MYO5B: variants seen among roughly 807,000 people sequenced by gnomAD.
MYO5B encodes the protein unconventional myosin-Vb.
In MYO5B, 143 loss-of-function variants were observed where a neutral mutation model predicts 229.3. The ratio of observed to expected loss-of-function variants is 0.62; its 90% CI spans 0.54 to 0.72. The LOEUF is 0.72. MYO5B is among the 30% of genes least tolerant of loss of function. The pLI, the probability that MYO5B is intolerant of heterozygous loss-of-function variation, is 0.00. For missense variants in MYO5B, 2,321 were observed against 2,331.0 expected (o/e 1.00, Z 0.09); for synonymous variants, 918 against 885.2 (o/e 1.04, Z -0.66).
chr18:49,864,098 G>A, intron 28 of MYO5B, 43 bp downstream of exon 28: 1 of 1,600,290 alleles, frequency 6.2e-7, no homozygotes, highest in Non-Finnish European at 8.5e-7. Flanking sequence ...TACCACCTAG[G>A]GTCACCCCTC....
At chr18:50,073,706 T>C (rs1404522543) in intron 1 of MYO5B, among the ~76,000 whole-genome samples, 4 of 152,134 alleles carry the variant, frequency 2.6e-5, no homozygotes, top group African/African-American at 9.7e-5. Context: ...TTGAAAGTTT[T>C]AAAAGCCAAA....
chr18:50,122,994 G>A (rs909413286), intron 1 of MYO5B, among the ~76,000 whole-genome samples: 14 of 152,198 alleles, frequency 9.2e-5, no homozygotes, highest in African/African-American at 2.9e-4. Context: ...ACTGAAAATA[G>A]GTACTGAAAT....
chr18:50,172,744 G>C (rs897765049), intron 1 of MYO5B, among the ~76,000 whole-genome samples: 6 of 152,194 alleles, frequency 3.9e-5, no homozygotes, highest in African/African-American at 1.4e-4. Context: ...TCAGGATCCA[G>C]GTGAGGAAGA....
intron 14 of MYO5B, among the ~76,000 whole-genome samples, chr18:49,940,408 G>A (rs988475143): frequency 1.4e-4 from 22 of 152,198 alleles, no homozygotes; most frequent in Middle Eastern, 6.8e-3. Context: ...AGGTGACTTC[G>A]CACACTCAAA....
At chr18:50,156,444 T>C (rs2032680465) in intron 1 of MYO5B, among the ~76,000 whole-genome samples, 4 of 152,258 alleles carry the variant, frequency 2.6e-5, no homozygotes, top group Admixed American at 1.3e-4. Flanking sequence ...CTGATGGTTT[T>C]ATAAGAGGCT....
At chr18:50,159,446 A>G (rs1459494552) in intron 1 of MYO5B, among the ~76,000 whole-genome samples, 1 of 152,096 alleles carries the variant, frequency 6.6e-6, no homozygotes, top group Non-Finnish European at 1.5e-5. Flanking sequence ...GGCTGGGCCT[A>G]AATATACAAC....
chr18:49,999,577 A>G (rs2026024468), intron 5 of MYO5B, among the ~76,000 whole-genome samples: 1 of 152,286 alleles, frequency 6.6e-6, no homozygotes, highest in Non-Finnish European at 1.5e-5. Flanking sequence ...TGTAATAGTT[A>G]GTAAAAAAGC....
intron 1 of MYO5B, among the ~76,000 whole-genome samples, chr18:50,091,630 G>T (rs2031450453): frequency 6.6e-6 from 1 of 152,150 alleles, no homozygotes; most frequent in African/African-American, 2.4e-5. Flanking sequence ...CCCATTGCTG[G>T]AGGCTGTTTC....
At chr18:50,067,751 C>T (rs1024185023) in intron 1 of MYO5B, among the ~76,000 whole-genome samples, 2 of 152,072 alleles carry the variant, frequency 1.3e-5, no homozygotes, top group Non-Finnish European at 2.9e-5. Context: ...AGCCTGGGGC[C>T]CTCTCTGGAA....
intron 30 of MYO5B, among the ~76,000 whole-genome samples, chr18:49,855,882 C>T (rs187143799): frequency 2.4e-4 from 37 of 152,358 alleles, no homozygotes; most frequent in Admixed American, 5.9e-4. Context: ...GCTCCTGCTC[C>T]GCCACCACCT....
chr18:49,915,099 G>A (rs1179581452), intron 17 of MYO5B, among the ~76,000 whole-genome samples: 10 of 152,110 alleles, frequency 6.6e-5, no homozygotes, highest in Non-Finnish European at 1.3e-4. Flanking sequence ...GAAGGGGTGA[G>A]TATAAGAGCA....
chr18:50,010,430 G>A (rs1030824912), intron 4 of MYO5B, among the ~76,000 whole-genome samples: 9 of 152,228 alleles, frequency 5.9e-5, no homozygotes, highest in Non-Finnish European at 1.3e-4. Flanking sequence ...GGGAGACAGA[G>A]CACTGGTTAG....
intron 1 of MYO5B, among the ~76,000 whole-genome samples, chr18:50,182,520 A>G (rs2033087322): frequency 6.6e-6 from 1 of 152,258 alleles, no homozygotes. Context: ...TAACGTGTAA[A>G]ATTAGGATAT....
intron 12 of MYO5B, among the ~76,000 whole-genome samples, chr18:49,956,205 A>G (rs1422516554): frequency 1.3e-5 from 2 of 152,238 alleles, no homozygotes; most frequent in East Asian, 1.9e-4. Flanking sequence ...AGAGTCTCAG[A>G]TGATACTCAT....
At chr18:49,879,600 T>C (rs1398366555) in intron 23 of MYO5B, among the ~76,000 whole-genome samples, 1 of 152,234 alleles carries the variant, frequency 6.6e-6, no homozygotes, top group African/African-American at 2.4e-5. Flanking sequence ...TGAAAACAGT[T>C]CACATTTTCA....
intron 1 of MYO5B, among the ~76,000 whole-genome samples, chr18:50,070,814 G>A (rs2030939969): frequency 1.4e-5 from 2 of 138,728 alleles, no homozygotes; most frequent in African/African-American, 5.5e-5. Context: ...ACTGCCCCCT[G>A]CCTGCATACC....
At chr18:49,974,845 C>T (rs936212318) in intron 9 of MYO5B, among the ~76,000 whole-genome samples, 5 of 86,534 alleles carry the variant, frequency 5.8e-5, no homozygotes, top group African/African-American at 1.5e-4. Flanking sequence ...GTGGAGATGA[C>T]AGAGCCCATA....
chr18:50,191,930 T>C (rs1370192023), intron 1 of MYO5B, among the ~76,000 whole-genome samples: 1 of 152,154 alleles, frequency 6.6e-6, no homozygotes, highest in Non-Finnish European at 1.5e-5. Context: ...TATGACGAAG[T>C]GTGGAGAGAA....
At chr18:50,142,977 A>G (rs371379024) in intron 1 of MYO5B, among the ~76,000 whole-genome samples, 437 of 152,342 alleles carry the variant, frequency 2.9e-3, no homozygotes, top group Non-Finnish European at 4.6e-3. Flanking sequence ...TGAATTACCA[A>G]CTGAGTTCAC....
Sources: allele counts gnomAD v4.1 joint callset (sites outside exome capture counted in the v4.1 genomes callset), GRCh38; gene constraint gnomAD v4.1.1; transcripts MANE v1.5; gene names NCBI Gene and HGNC (gene_info 2026-07-23, HGNC 2026-07-21).